The following ZSWIM6 variants were observed in gnomAD, a reference collection of about 807,000 sequenced individuals.
ZSWIM6 encodes the protein zinc finger SWIM domain-containing protein 6.
In ZSWIM6, 9 loss-of-function variants were observed where a neutral mutation model predicts 113.2. The ratio of observed to expected loss-of-function variants is 0.08; its 90% CI spans 0.05 to 0.14. ZSWIM6 has a LOEUF of 0.14. ZSWIM6 is among the 10% of genes least tolerant of loss of function. The pLI is 1.00. For synonymous variants in ZSWIM6, 611 were observed against 606.5 expected, an observed-to-expected ratio of 1.01 and a Z score of -0.11; for missense variants, 1,162 against 1,552.2, an observed-to-expected ratio of 0.75 and a Z score of 4.22.
intron 1 of ZSWIM6, among the ~76,000 whole-genome samples, chr5:61,384,762 A>C (rs1367804209): frequency 1.3e-5 from 2 of 152,204 alleles, no homozygotes; most frequent in African/African-American, 4.8e-5. Context: ...CCATCTTGTA[A>C]AAATCTTGGA....
intron 1 of ZSWIM6, among the ~76,000 whole-genome samples, chr5:61,410,467 G>C (rs1381498115): frequency 6.6e-6 from 1 of 151,772 alleles, no homozygotes; most frequent in Non-Finnish European, 1.5e-5. Context: ...GTGCCACCAT[G>C]CCTGGCTAAT....
intron 5 of ZSWIM6, among the ~76,000 whole-genome samples, chr5:61,522,350 T>A (rs1314695290): frequency 6.6e-6 from 1 of 152,174 alleles, no homozygotes; most frequent in Admixed American, 6.6e-5. Context: ...TGAAAGATTT[T>A]AAAGTCATGA....
intron 4 of ZSWIM6, among the ~76,000 whole-genome samples, chr5:61,497,689 A>T (rs188673859): frequency 2.6e-5 from 4 of 152,218 alleles, no homozygotes; most frequent in African/African-American, 9.6e-5. Flanking sequence ...TATTTTCCCA[A>T]ACATACACCA....
At chr5:61,442,142 T>A (rs1035537014) in intron 1 of ZSWIM6, among the ~76,000 whole-genome samples, 3 of 152,120 alleles carry the variant, frequency 2.0e-5, no homozygotes, top group Non-Finnish European at 2.9e-5. Context: ...ATTATTCAGA[T>A]GTGGTGATCT....
In ZSWIM6 at chr5:61,505,599, TTACCTTCCTTCCTTCCTTCC is replaced by T. The variant is rs1561268210; in HGVS notation, c.1333+11191_1333+11210del. ...TTAATTGTTTTGGAATATCTATGATTTACCTTCCTTCCTTCCTTCCTTCCTTCCTTCCTTCCTTCCTTCCT... is the reference window on the plus strand; with the variant it reads ...TTAATTGTTTTGGAATATCTATGATTTTCCTTCCTTCCTTCCTTCCTTCCT... On this transcript the variant is annotated intron_variant, in intron 4 of 13. Transcript: ENST00000252744. Among the ~76,000 whole-genome samples the T allele has an allele frequency of 4.2e-5, 5 of 119,902 alleles. 1 individual carries two copies. The highest frequency in any genetic ancestry group is 3.2e-4 in the Admixed American group (4 of 12,448). 78.7% of individuals were successfully genotyped at this position (119,902 alleles called of 152,430 possible). A position where few individuals can be genotyped will look rare whatever the true frequency, so the allele number is the denominator to read the frequency against.
At chr5:61,353,148 T>C (rs192256871) in intron 1 of ZSWIM6, among the ~76,000 whole-genome samples, 2 of 152,338 alleles carry the variant, frequency 1.3e-5, no homozygotes, top group African/African-American at 4.8e-5. Flanking sequence ...GTCATTTCTG[T>C]CTCAAAGTGG....
chr5:61,508,359 A>G (rs765988682), intron 4 of ZSWIM6, among the ~76,000 whole-genome samples: 2 of 152,210 alleles, frequency 1.3e-5, no homozygotes, highest in African/African-American at 2.4e-5. Flanking sequence ...TGATAAAATT[A>G]GCATACAAAC....
At chr5:61,390,110 G>T (rs1239776938) in intron 1 of ZSWIM6, among the ~76,000 whole-genome samples, 1 of 152,100 alleles carries the variant, frequency 6.6e-6, no homozygotes, top group African/African-American at 2.4e-5. Context: ...CTGCCTGCCA[G>T]CCAGTCGTCT....
chr5:61,405,407 T>C (rs898748108), intron 1 of ZSWIM6, among the ~76,000 whole-genome samples: 2 of 152,216 alleles, frequency 1.3e-5, no homozygotes, highest in African/African-American at 2.4e-5. Context: ...AATTTAAATA[T>C]ATTTTGATGA....
At chr5:61,506,375 G>A (rs1002950438) in intron 4 of ZSWIM6, among the ~76,000 whole-genome samples, 1 of 151,998 alleles carries the variant, frequency 6.6e-6, no homozygotes, top group Non-Finnish European at 1.5e-5. Context: ...CTGAGGTTGG[G>A]AGTTTGAGAC....
intron 1 of ZSWIM6, among the ~76,000 whole-genome samples, chr5:61,333,410 C>G (rs941023206): frequency 3.3e-5 from 5 of 151,882 alleles, no homozygotes; most frequent in African/African-American, 4.8e-5. Flanking sequence ...GCGCTCCCCC[C>G]CTCTCCCACT....
At chr5:61,417,136 C>T (rs571827297) in intron 1 of ZSWIM6, among the ~76,000 whole-genome samples, 26 of 151,950 alleles carry the variant, frequency 1.7e-4, no homozygotes, top group Admixed American at 1.1e-3. Context: ...GAGCAAACTC[C>T]GTCTCGAAGA....
At chr5:61,482,843 G>T (rs1055862652) in intron 2 of ZSWIM6, among the ~76,000 whole-genome samples, 1 of 151,958 alleles carries the variant, frequency 6.6e-6, no homozygotes, top group Non-Finnish European at 1.5e-5. Context: ...TCCAGACAGT[G>T]CCTAGAACTG....
chr5:61,505,612 T>C (rs1157096941), intron 4 of ZSWIM6, among the ~76,000 whole-genome samples: 1 of 48,980 alleles, frequency 2.0e-5, no homozygotes, highest in African/African-American at 8.3e-5. Flanking sequence ...CCTTCCTTCC[T>C]TCCTTCCTTC....
intron 11 of ZSWIM6, 108 bp from the exon 12 acceptor site, chr5:61,539,488 T>G: frequency 1.5e-6 from 2 of 1,310,116 alleles, no homozygotes; most frequent in South Asian, 1.7e-5. Flanking sequence ...TTTGTTTTGT[T>G]TCTTTTTTCC....
intron 4 of ZSWIM6, among the ~76,000 whole-genome samples, chr5:61,520,670 G>A (rs567233537): frequency 1.3e-5 from 2 of 151,986 alleles, no homozygotes; most frequent in African/African-American, 2.4e-5. Flanking sequence ...TTTACTGACG[G>A]ATAAATATGC....
At chr5:61,468,060 C>G (rs570365469) in intron 1 of ZSWIM6, among the ~76,000 whole-genome samples, 12 of 152,152 alleles carry the variant, frequency 7.9e-5, no homozygotes, top group Admixed American at 3.3e-4. Context: ...TTACTATGTG[C>G]CAGGTGCTTT....
intron 1 of ZSWIM6, among the ~76,000 whole-genome samples, chr5:61,392,452 T>C (rs1053990661): frequency 6.6e-6 from 1 of 152,162 alleles, no homozygotes; most frequent in Non-Finnish European, 1.5e-5. Context: ...GAAGCAAAAA[T>C]CACAGTTAAC....
intron 1 of ZSWIM6, among the ~76,000 whole-genome samples, chr5:61,409,583 T>C (rs1746114939): frequency 6.6e-6 from 1 of 152,220 alleles, no homozygotes; most frequent in Non-Finnish European, 1.5e-5. Flanking sequence ...TTCTCCACCA[T>C]ACCCTGTTTT....
Sources: gnomAD v4.1 joint callset for allele counts (sites outside exome capture counted in the v4.1 genomes callset) on GRCh38, gnomAD v4.1.1 for gene constraint, MANE v1.5 for transcripts, NCBI Gene and HGNC (gene_info 2026-07-23, HGNC 2026-07-21) for gene names.